The following TMEM233 variants were observed in gnomAD, a reference collection of about 807,000 sequenced individuals.
The protein encoded by TMEM233 is transmembrane protein 233.
In TMEM233, 6 loss-of-function variants were observed where a neutral mutation model predicts 11.2. That is an observed-to-expected ratio of 0.54 (90% CI 0.29 to 1.06). The LOEUF (loss-of-function observed/expected upper bound fraction) is 1.06. Ranked by LOEUF, TMEM233 falls within the 50% of genes least tolerant of loss-of-function variation. The pLI is 0.08. For missense variants in TMEM233, 127 were observed against 144.7 expected (o/e 0.88, Z 0.63); for synonymous variants, 59 against 55.8 (o/e 1.06, Z -0.26).
chr12:119,653,604 A>G, the TMEM233 span, among the ~76,000 whole-genome samples: 5 of 152,000 alleles, frequency 3.3e-5, no homozygotes, highest in African/African-American at 7.2e-5. Flanking sequence ...TCATGAAGCT[A>G]TGCAATGTAA....
intron 1 of TMEM233, among the ~76,000 whole-genome samples, chr12:119,602,034 T>A (rs1844135039): frequency 6.6e-6 from 1 of 152,174 alleles, no homozygotes; most frequent in Non-Finnish European, 1.5e-5. Flanking sequence ...TATCTGGTTG[T>A]GGGCTGGCAC....
downstream of TMEM233, among the ~76,000 whole-genome samples, chr12:119,643,802 A>C (rs1289191904): frequency 6.6e-6 from 1 of 151,350 alleles, no homozygotes; most frequent in Non-Finnish European, 1.5e-5. Flanking sequence ...CAACCAAGAG[A>C]CTCCTTCATC....
intron 1 of TMEM233, among the ~76,000 whole-genome samples, chr12:119,608,277 T>C (rs897648677): frequency 6.6e-6 from 1 of 152,220 alleles, no homozygotes; most frequent in African/African-American, 2.4e-5. Context: ...TTCATGTTTT[T>C]GAAAGACATG....
chr12:119,650,092 A>G, the TMEM233 span, among the ~76,000 whole-genome samples: 1 of 144,946 alleles, frequency 6.9e-6, no homozygotes, highest in East Asian at 2.1e-4. Flanking sequence ...CGGGAGGCGG[A>G]GTTTGCAGTG....
chr12:119,616,611 G>T (rs1452407910), intron 1 of TMEM233, among the ~76,000 whole-genome samples: 1 of 152,182 alleles, frequency 6.6e-6, no homozygotes, highest in Non-Finnish European at 1.5e-5. Context: ...TCTCTGTGGT[G>T]ATGGAGCATT....
intron 2 of TMEM233, among the ~76,000 whole-genome samples, chr12:119,640,280 A>C (rs7959425): frequency 3.6e-4 from 55 of 151,774 alleles, no homozygotes; most frequent in Admixed American, 3.5e-3. Flanking sequence ...TCAGCCTCCC[A>C]AGTAGCTGGG....
intron 1 of TMEM233, among the ~76,000 whole-genome samples, chr12:119,599,213 G>A (rs915234668): frequency 2.0e-5 from 3 of 152,132 alleles, no homozygotes; most frequent in Non-Finnish European, 4.4e-5. Context: ...GATAGTAAGT[G>A]CTATTTGGTA....
chr12:119,648,278 A>G, the TMEM233 span, among the ~76,000 whole-genome samples: 13 of 151,682 alleles, frequency 8.6e-5, no homozygotes, highest in African/African-American at 2.7e-4. Context: ...TTTATTATCT[A>G]TCTCCTCCCC....
intron 1 of TMEM233, among the ~76,000 whole-genome samples, chr12:119,608,687 T>C (rs1210941636): frequency 3.9e-5 from 6 of 152,312 alleles, no homozygotes; most frequent in Non-Finnish European, 7.4e-5. Context: ...AAAGTCAACA[T>C]GAAGAAGCGT....
intron 2 of TMEM233, among the ~76,000 whole-genome samples, chr12:119,635,071 A>G (rs1954946761): frequency 6.6e-6 from 1 of 152,236 alleles, no homozygotes. Context: ...GCTGCTAGGG[A>G]AAGTGAAGAA....
chr12:119,602,598 G>T (rs1226476390), intron 1 of TMEM233, among the ~76,000 whole-genome samples: 1 of 152,204 alleles, frequency 6.6e-6, no homozygotes, highest in African/African-American at 2.4e-5. Flanking sequence ...TTCCCCAGCA[G>T]CCCTGCCTCA....
At position 119,593,829 on chromosome 12, in the gene TMEM233, C is replaced by T. The variant is rs772832749; in HGVS notation, c.-20C>T. 8.4e-6 allele frequency: 13 copies of T among 1,549,008 alleles called. 1 individual carries two copies. The highest frequency in any genetic ancestry group is 7.3e-5 in the East Asian group (3 of 40,868). On this transcript the variant is annotated 5_prime_UTR_variant, in exon 1 of 3. Transcript: ENST00000426426. The surrounding 1 kb of genome is among the most constrained non-coding windows in gnomAD (Gnocchi z 4.1). ...CAGACCGTGCGCTCCTCCGCCCTCC[C>T]GGCGCCGCCGGCCTCGCCCATGTCT...
chr12:119,600,799 G>A (rs1281268278), intron 1 of TMEM233, among the ~76,000 whole-genome samples: 1 of 152,142 alleles, frequency 6.6e-6, no homozygotes, highest in Non-Finnish European at 1.5e-5. Flanking sequence ...AGGGAAATGG[G>A]GAGTTACTGT....
chr12:119,605,993 C>A (rs1954272291), intron 1 of TMEM233, among the ~76,000 whole-genome samples: 1 of 152,084 alleles, frequency 6.6e-6, no homozygotes, highest in South Asian at 2.1e-4. Flanking sequence ...AGAGGAAATG[C>A]ACCTTGTAGT....
intron 1 of TMEM233, among the ~76,000 whole-genome samples, chr12:119,611,406 G>T (rs1330243863): frequency 6.6e-6 from 1 of 152,072 alleles, no homozygotes; most frequent in Non-Finnish European, 1.5e-5. Context: ...GTTTTGATTT[G>T]CATTTCCCCA....
intron 1 of TMEM233, among the ~76,000 whole-genome samples, chr12:119,612,999 TGTGCACAAC>T (rs1954436990): frequency 6.6e-6 from 1 of 152,162 alleles, no homozygotes; most frequent in Non-Finnish European, 1.5e-5. Flanking sequence ...CTAGGGTACA[TGTGCACAAC>T]GTGCAGGCTT....
intron 1 of TMEM233, among the ~76,000 whole-genome samples, chr12:119,626,537 G>GA (rs144183823): frequency 0.34 from 11,665 of 34,606 alleles, 1,070 homozygotes; most frequent in Middle Eastern, 0.45. Context: ...GAAGGGAGAA[G>GA]GGAGAAGAGA....
chr12:119,600,429 GA>G (rs1954140272), intron 1 of TMEM233, among the ~76,000 whole-genome samples: 1 of 150,566 alleles, frequency 6.6e-6, no homozygotes, highest in South Asian at 2.1e-4. Flanking sequence ...AGCTGGAGCT[GA>G]AAAAATAAAA....
chr12:119,613,609 T>G (rs560586542), intron 1 of TMEM233, among the ~76,000 whole-genome samples: 12 of 150,864 alleles, frequency 8.0e-5, no homozygotes, highest in Middle Eastern at 3.4e-3. Flanking sequence ...AGCACAAGAG[T>G]CTGAGACCAG....
Sources: allele counts gnomAD v4.1 joint callset (sites outside exome capture counted in the v4.1 genomes callset), GRCh38; gene constraint gnomAD v4.1.1; non-coding constraint Gnocchi (gnomAD v3.1); transcripts MANE v1.5; gene names NCBI Gene and HGNC (gene_info 2026-07-23, HGNC 2026-07-21).